Variants in SSH2 observed in about 807,000 individuals in gnomAD.
SSH2 encodes protein phosphatase Slingshot homolog 2.
SSH2 carries 37 observed loss-of-function variants against 135.2 expected under a neutral mutation model. That is an observed-to-expected ratio of 0.27 (90% confidence interval 0.21 to 0.36). SSH2 has a LOEUF of 0.36. Among genes scored for constraint, SSH2 ranks in the 10% least tolerant of loss-of-function variants. The pLI is 1.00. For synonymous variants in SSH2, 628 were observed against 646.2 expected (o/e 0.97, Z 0.43); for missense variants, 1,408 against 1,765.3 (o/e 0.80, Z 3.63).
At chr17:29,853,393 CTTAATTA>C (rs2065603151) in intron 1 of SSH2, among the ~76,000 whole-genome samples, 1 of 151,522 alleles carries the variant, frequency 6.6e-6, no homozygotes, top group Non-Finnish European at 1.5e-5. Flanking sequence ...CCTAGGTGGG[CTTAATTA>C]TACATAGCAA....
intron 3 of SSH2, among the ~76,000 whole-genome samples, chr17:29,789,547 T>C (rs1374307452): frequency 2.0e-5 from 3 of 152,178 alleles, no homozygotes; most frequent in African/African-American, 7.2e-5. Context: ...GTGATGATCA[T>C]CAGGGCTTCT....
chr17:29,811,211 G>C (rs933867695), intron 2 of SSH2, among the ~76,000 whole-genome samples: 4 of 152,018 alleles, frequency 2.6e-5, no homozygotes, highest in African/African-American at 9.7e-5. Flanking sequence ...GGCCAGGCTG[G>C]TGTTGAACTC....
chr17:29,642,116 T>C (rs1227379454), intron 14 of SSH2, among the ~76,000 whole-genome samples: 2 of 152,136 alleles, frequency 1.3e-5, no homozygotes, highest in African/African-American at 4.8e-5. Context: ...ACTGGAAAGC[T>C]AGTAAGAAAA....
chr17:29,674,425 G>T (rs1330500978), intron 8 of SSH2, among the ~76,000 whole-genome samples: 1 of 152,132 alleles, frequency 6.6e-6, no homozygotes, highest in Non-Finnish European at 1.5e-5. Context: ...GGAAACACAT[G>T]CTCCAAAAGC....
chr17:29,761,198 G>C (rs978002614), intron 3 of SSH2: 9 of 1,289,596 alleles, frequency 7.0e-6, no homozygotes, highest in Admixed American at 2.3e-5. Context: ...GGAGAAGTAA[G>C]GAATCATGTC....
intron 6 of SSH2, among the ~76,000 whole-genome samples, chr17:29,681,566 G>GA (rs926234961): frequency 1.8e-4 from 26 of 144,124 alleles, no homozygotes; most frequent in East Asian, 2.0e-4. Flanking sequence ...AAAAGAAATG[G>GA]AAAAAAAAAA....
At chr17:29,873,465 G>A (rs1264351017) in intron 1 of SSH2, among the ~76,000 whole-genome samples, 3 of 151,824 alleles carry the variant, frequency 2.0e-5, no homozygotes, top group South Asian at 2.1e-4. Context: ...AGGCTGAGGC[G>A]GGAGAATCAC....
At chr17:29,917,034 A>G (rs563627933) in intron 1 of SSH2, among the ~76,000 whole-genome samples, 17 of 151,062 alleles carry the variant, frequency 1.1e-4, no homozygotes, top group Non-Finnish European at 1.0e-4. Flanking sequence ...AAAAAAAAAA[A>G]GGGTTTGTCA....
intron 1 of SSH2, among the ~76,000 whole-genome samples, chr17:29,903,492 T>C (rs2066599217): frequency 6.6e-6 from 1 of 151,778 alleles, no homozygotes; most frequent in African/African-American, 2.4e-5. Flanking sequence ...CACTAACTTA[T>C]AGACAAGCCT....
intron 2 of SSH2, among the ~76,000 whole-genome samples, chr17:29,816,479 T>C (rs1052381697): frequency 6.6e-6 from 1 of 152,162 alleles, no homozygotes; most frequent in Non-Finnish European, 1.5e-5. Flanking sequence ...AGAGGATTGT[T>C]GTATGTAACT....
intron 6 of SSH2, among the ~76,000 whole-genome samples, chr17:29,681,581 A>C (rs916963827): frequency 1.3e-5 from 2 of 151,800 alleles, no homozygotes; most frequent in Admixed American, 1.3e-4. Flanking sequence ...AAAAAACCCC[A>C]AAAAACCATG....
chr17:29,891,820 G>T (rs1420864414), intron 1 of SSH2, among the ~76,000 whole-genome samples: 1 of 152,072 alleles, frequency 6.6e-6, no homozygotes, highest in Non-Finnish European at 1.5e-5. Flanking sequence ...ATTTAATCTT[G>T]CACAATTTTA....
intron 3 of SSH2, among the ~76,000 whole-genome samples, chr17:29,721,232 C>T (rs1452505035): frequency 6.6e-6 from 1 of 152,012 alleles, no homozygotes; most frequent in East Asian, 1.9e-4. Context: ...CAAAATGATC[C>T]AAGAGTAAAT....
At chr17:29,742,136 C>T (rs768608497) in intron 3 of SSH2, among the ~76,000 whole-genome samples, 6 of 151,710 alleles carry the variant, frequency 4.0e-5, no homozygotes, top group East Asian at 1.9e-4. Context: ...GGGTTTTCAC[C>T]GTGTTCAACA....
At chr17:29,689,114 C>T (rs532099511) in intron 5 of SSH2, among the ~76,000 whole-genome samples, 3 of 151,376 alleles carry the variant, frequency 2.0e-5, no homozygotes, top group East Asian at 1.9e-4. Flanking sequence ...GTTGAGATCA[C>T]GCCACTCCAC....
intron 6 of SSH2, among the ~76,000 whole-genome samples, chr17:29,684,354 G>GT (rs1416682470): frequency 6.6e-6 from 1 of 152,122 alleles, no homozygotes; most frequent in Non-Finnish European, 1.5e-5. Context: ...GTGTACACCT[G>GT]TAATTCCAGC....
chr17:29,658,513 C>T (rs1236610001), intron 11 of SSH2, among the ~76,000 whole-genome samples: 2 of 152,072 alleles, frequency 1.3e-5, no homozygotes, highest in South Asian at 2.1e-4. Flanking sequence ...TCTATTCTTT[C>T]CCATTTAATA....
At position 29,904,305 on chromosome 17, in the gene SSH2, G is replaced by A. The variant is rs546361098; in HGVS notation, c.63+25633C>T. On this transcript the variant is annotated intron_variant, in intron 1 of 15. Transcript: ENST00000540801. ...GCACATCAAAAAGCTTATCCACCAC[G>A]ATCAAGCTGGCCTCATCCCTGGGAT... Among the ~76,000 whole-genome samples the A allele has an allele frequency of 3.3e-5, 5 of 152,278 alleles. No individual in the cohort carries two copies. In the East Asian group the frequency reaches 5.8e-4, roughly 18 times the overall value.
chr17:29,695,093 T>C (rs1437124494), intron 5 of SSH2, among the ~76,000 whole-genome samples: 2 of 152,138 alleles, frequency 1.3e-5, no homozygotes, highest in East Asian at 3.9e-4. Flanking sequence ...TCCTTGTCCT[T>C]CCCTATGTGT....
Sources: allele counts gnomAD v4.1 joint callset (sites outside exome capture counted in the v4.1 genomes callset), GRCh38; gene constraint gnomAD v4.1.1; transcripts MANE v1.5; gene names NCBI Gene and HGNC (gene_info 2026-07-23, HGNC 2026-07-21).